Variants in TTC27 observed in about 807,000 individuals in gnomAD.
The protein encoded by TTC27 is tetratricopeptide repeat domain 27.
Under a neutral mutation model 115.9 loss-of-function variants are expected in TTC27, and 79 were observed. The ratio of observed to expected loss-of-function variants is 0.68; its 90% confidence interval spans 0.57 to 0.82. The LOEUF (loss-of-function observed/expected upper bound fraction) is 0.82, where lower values mean the gene tolerates loss of function less well. TTC27 is among the 40% of genes least tolerant of loss of function. The pLI, the probability that TTC27 is intolerant of heterozygous loss-of-function variation, is 0.00. For synonymous variants in TTC27, 401 were observed against 356.0 expected, an observed-to-expected ratio of 1.13 and a Z score of -1.42; for missense variants, 1,054 against 993.1, an observed-to-expected ratio of 1.06 and a Z score of -0.82.
chr2:32,753,735 C>T (rs1275360119), intron 12 of TTC27, among the ~76,000 whole-genome samples: 1 of 152,144 alleles, frequency 6.6e-6, no homozygotes, highest in African/African-American at 2.4e-5. Context: ...GCTTGAGCCA[C>T]CGTGTGGAGC....
chr2:32,798,523 G>A (rs1670796321), intron 16 of TTC27, among the ~76,000 whole-genome samples: 2 of 151,796 alleles, frequency 1.3e-5, no homozygotes, highest in Non-Finnish European at 2.9e-5. Flanking sequence ...CTAACACGGT[G>A]AAGCCCTGTC....
intron 16 of TTC27, among the ~76,000 whole-genome samples, chr2:32,789,685 C>A (rs1274280158): frequency 6.6e-6 from 1 of 151,716 alleles, no homozygotes; most frequent in African/African-American, 2.4e-5. Context: ...TTTGGGAGGC[C>A]AAGGCGGGAA....
chr2:32,738,751 C>G (rs1668530203), intron 12 of TTC27, among the ~76,000 whole-genome samples: 2 of 152,136 alleles, frequency 1.3e-5, no homozygotes, highest in South Asian at 4.1e-4. Flanking sequence ...CTGAAATAAA[C>G]ATTTGCCATC....
intron 9 of TTC27, among the ~76,000 whole-genome samples, chr2:32,690,294 T>C (rs1248894761): frequency 6.6e-6 from 1 of 152,162 alleles, no homozygotes. Context: ...AAAAGCTTAA[T>C]GGCAGAAGAT....
At chr2:32,761,775 G>T (rs4952292) in intron 13 of TTC27, among the ~76,000 whole-genome samples, 1 of 151,662 alleles carries the variant, frequency 6.6e-6, no homozygotes, top group East Asian at 1.9e-4. Flanking sequence ...ATTTTTTTCC[G>T]TAGCACTTAT....
At chr2:32,663,663 TG>T (rs1665642429) in intron 5 of TTC27, among the ~76,000 whole-genome samples, 1 of 151,594 alleles carries the variant, frequency 6.6e-6, no homozygotes, top group Non-Finnish European at 1.5e-5. Context: ...TATGTATGTA[TG>T]TATGTATGTA....
In TTC27 at chr2:32,780,099, G is replaced by A. The variant is rs1431947663; in HGVS notation, c.1779+2119G>A. ...CTTGTTTACAGAAACTTTGTAGTAA[G>A]TTTTGAAAATGCTGTGAGTACTCCA... On this transcript the variant is annotated intron_variant, in intron 14 of 19. Transcript: ENST00000317907. 1.5e-5 allele frequency: 7 copies of A among 466,508 alleles called. No individual in the cohort carries two copies. The East Asian group carries it at 4.2e-4, about 28-fold the overall frequency. The allele number at this position is 466,508 out of a possible 1,614,324, so 28.9% of individuals were successfully genotyped here. A position where few individuals can be genotyped will look rare whatever the true frequency, so the allele number is the denominator to read the frequency against.
chr2:32,660,412 C>T (rs555095538), intron 5 of TTC27, among the ~76,000 whole-genome samples: 14 of 152,192 alleles, frequency 9.2e-5, no homozygotes, highest in African/African-American at 2.2e-4. Flanking sequence ...GAATACCATG[C>T]GGCTATAAAA....
At chr2:32,653,402 T>C (rs1383498383) in intron 5 of TTC27, among the ~76,000 whole-genome samples, 1 of 152,104 alleles carries the variant, frequency 6.6e-6, no homozygotes, top group Non-Finnish European at 1.5e-5. Context: ...AAGACCAGCC[T>C]GGCCAACATG....
chr2:32,674,637 A>G (rs1469116606), intron 8 of TTC27, among the ~76,000 whole-genome samples: 11 of 151,990 alleles, frequency 7.2e-5, no homozygotes, highest in African/African-American at 1.2e-4. Context: ...ATTTTCCTGT[A>G]ACATTATTTA....
At chr2:32,640,098 G>A (rs1229291372) in intron 3 of TTC27, among the ~76,000 whole-genome samples, 172 bp from the exon 4 acceptor site, 1 of 152,174 alleles carries the variant, frequency 6.6e-6, no homozygotes, top group South Asian at 2.1e-4. Context: ...ATTTATAGAT[G>A]TCTAAGGGCA....
At chr2:32,794,579 A>C (rs938056930) in intron 16 of TTC27, among the ~76,000 whole-genome samples, 2 of 152,136 alleles carry the variant, frequency 1.3e-5, no homozygotes, top group African/African-American at 4.8e-5. Flanking sequence ...GAAAATAAGA[A>C]TAAAGATTAG....
chr2:32,746,298 A>G (rs1485933518), intron 12 of TTC27, among the ~76,000 whole-genome samples: 1 of 152,126 alleles, frequency 6.6e-6, no homozygotes, highest in African/African-American at 2.4e-5. Flanking sequence ...ACAGTGGCTC[A>G]CGCCGGTAAT....
At chr2:32,682,026 G>GTGTA (rs1666448758) in intron 9 of TTC27, among the ~76,000 whole-genome samples, 1 of 133,890 alleles carries the variant, frequency 7.5e-6, no homozygotes, top group Non-Finnish European at 1.6e-5. Flanking sequence ...GTGTGTGTGT[G>GTGTA]TATGTCTTTT....
intron 11 of TTC27, 75 bp from the exon 12 acceptor site, chr2:32,736,619 A>G (rs1379551506): frequency 7.1e-6 from 11 of 1,552,852 alleles, no homozygotes; most frequent in Non-Finnish European, 9.7e-6. Context: ...AAGGCAGATT[A>G]GGTACACCTG....
At chr2:32,736,152 C>G (rs964922306) in intron 11 of TTC27, among the ~76,000 whole-genome samples, 2 of 152,004 alleles carry the variant, frequency 1.3e-5, no homozygotes, top group African/African-American at 4.8e-5. Context: ...CTGACCTTAA[C>G]TCAGTTTGCT....
At chr2:32,802,997 T>A (rs888445145) in intron 16 of TTC27, among the ~76,000 whole-genome samples, 6 of 152,208 alleles carry the variant, frequency 3.9e-5, no homozygotes, top group African/African-American at 1.4e-4. Flanking sequence ...TTCCCTGGGG[T>A]ATTGTCTGTT....
rs116768231 is a variant in TTC27 at position 32,762,365 on chromosome 2, T to C, written c.1680+3846T>C. ...AGGTTTGGTGAAGAGGTTAGTTTTT[T>C]AGGGTAGAAGGAAGTAGGGCAGTTA... On this transcript the variant is annotated intron_variant, in intron 13 of 19. Transcript: ENST00000317907. 2.6e-3 allele frequency among the ~76,000 whole-genome samples: 392 copies of C among 150,254 alleles called. 1 individual carries two copies. The highest frequency in any genetic ancestry group is 9.1e-3 in the African/African-American group (371 of 40,754).
intron 12 of TTC27, among the ~76,000 whole-genome samples, chr2:32,740,757 C>A (rs551546558): frequency 2.0e-5 from 3 of 152,212 alleles, no homozygotes; most frequent in African/African-American, 7.2e-5. Flanking sequence ...TGGGTTCAAG[C>A]GATTCTCTTG....
Sources: gnomAD v4.1 joint callset for allele counts (sites outside exome capture counted in the v4.1 genomes callset) on GRCh38, gnomAD v4.1.1 for gene constraint, MANE v1.5 for transcripts, NCBI Gene and HGNC (gene_info 2026-07-23, HGNC 2026-07-21) for gene names.